SGSM2: variants seen among roughly 807,000 people sequenced by gnomAD.
SGSM2 encodes the protein RUN and TBC1 domain containing 1.
In SGSM2, 89 loss-of-function variants were observed where a neutral mutation model predicts 126.6. The ratio of observed to expected loss-of-function variants is 0.70; its 90% CI spans 0.59 to 0.84. The LOEUF is 0.84. SGSM2 is among the 40% of genes least tolerant of loss of function. The pLI, the probability that SGSM2 is intolerant of heterozygous loss-of-function variation, is 0.00. For synonymous variants in SGSM2, 614 were observed against 574.3 expected, an observed-to-expected ratio of 1.07 and a Z score of -0.99; for missense variants, 1,404 against 1,416.6, an observed-to-expected ratio of 0.99 and a Z score of 0.14.
chr17:2,374,345 G>A (rs2066024632), intron 17 of SGSM2: 1 of 152,244 alleles, frequency 6.6e-6, no homozygotes, highest in Admixed American at 6.5e-5. Context: ...GGGAGGCAGA[G>A]GTGGGAGGAT....
intron 2 of SGSM2, among the ~76,000 whole-genome samples, chr17:2,357,068 T>C (rs2429904): frequency 0.44 from 66,866 of 151,860 alleles, 15,052 homozygotes; most frequent in East Asian, 0.64. Flanking sequence ...TCTCCAGCCG[T>C]GTGTAGCATT....
At chr17:2,338,701 G>GT (rs1330316988) in intron 1 of SGSM2, among the ~76,000 whole-genome samples, 1 of 151,176 alleles carries the variant, frequency 6.6e-6, no homozygotes, top group Non-Finnish European at 1.5e-5. Context: ...GAGGCCTGGT[G>GT]TTTGGAAAGC....
intron 17 of SGSM2, 84 bp from the exon 18 acceptor site, chr17:2,375,408 C>G (rs2066084679): frequency 6.7e-7 from 1 of 1,499,858 alleles, no homozygotes; most frequent in Non-Finnish European, 8.9e-7. Context: ...GTTTTGCATT[C>G]CAGCTCCCTT....
In SGSM2 at chr17:2,373,420, C is replaced by T. The variant is rs376587643; in HGVS notation, c.2007C>T (p.Ala669=). 1.6e-5 allele frequency: 25 copies of T among 1,611,616 alleles called. No homozygotes were observed. The highest frequency in any genetic ancestry group is 2.1e-5 in the Non-Finnish European group (25 of 1,179,958). The change falls in exon 17 of 24, where the codon GCC becomes GCT. Residue 669 remains alanine, a synonymous_variant. Transcript: ENST00000268989. ...TGGTGAGGCAGCGGGAGCGGGAGGC[C>T]CACCCAGCCACACGCACCAAGTTCT... is the stretch of plus-strand genomic sequence containing the variant. The part of the protein sequence containing the change: ...EVVVRQRERE[A]HPATRTKFSS...
At chr17:2,349,995 G>A (rs2064782076) in intron 2 of SGSM2, among the ~76,000 whole-genome samples, 1 of 151,988 alleles carries the variant, frequency 6.6e-6, no homozygotes, top group African/African-American at 2.4e-5. Flanking sequence ...CACCGTGTTA[G>A]CCAGGATGGT....
chr17:2,370,771 G>A (rs775416529), intron 12 of SGSM2, among the ~76,000 whole-genome samples: 6 of 152,228 alleles, frequency 3.9e-5, no homozygotes, highest in Non-Finnish European at 7.3e-5. Flanking sequence ...ATTCCTCGGG[G>A]GCTTTGAACA....
chr17:2,371,917 C>T (rs1040731717), intron 13 of SGSM2: 4 of 514,056 alleles, frequency 7.8e-6, no homozygotes, highest in Non-Finnish European at 1.4e-5. Context: ...TGCCTCTCTC[C>T]ATTTTTCACA....
At chr17:2,343,129 C>G (rs2151476938) in intron 1 of SGSM2, among the ~76,000 whole-genome samples, 1 of 152,256 alleles carries the variant, frequency 6.6e-6, no homozygotes, top group East Asian at 1.9e-4. Context: ...CTACCCCTAA[C>G]CTTGGAGAAT....
intron 2 of SGSM2, among the ~76,000 whole-genome samples, chr17:2,349,004 T>C (rs187393225): frequency 0.033 from 5,012 of 151,742 alleles, 257 homozygotes; most frequent in African/African-American, 0.11. Flanking sequence ...CCTCAAGTGA[T>C]CTACCCGCCT....
At chr17:2,342,438 A>C (rs969280135) in intron 1 of SGSM2, among the ~76,000 whole-genome samples, 1 of 151,860 alleles carries the variant, frequency 6.6e-6, no homozygotes, top group Non-Finnish European at 1.5e-5. Context: ...ACAAACAAAC[A>C]AAAAAAGTAT....
chr17:2,340,722 C>T (rs1282353661), intron 1 of SGSM2, among the ~76,000 whole-genome samples: 15 of 151,880 alleles, frequency 9.9e-5, no homozygotes, highest in Non-Finnish European at 1.8e-4. Flanking sequence ...GTAGCTGGGA[C>T]TACAGGCGCC....
chr17:2,359,460 TCTC>T (rs1167561623), intron 2 of SGSM2, among the ~76,000 whole-genome samples: 1 of 151,816 alleles, frequency 6.6e-6, no homozygotes, highest in Non-Finnish European at 1.5e-5. Context: ...GAGAGGGATT[TCTC>T]CTTCCCCAGA....
At position 2,367,425 on chromosome 17, in the gene SGSM2, C is replaced by T. The variant is rs773626242; in HGVS notation, c.1423+20C>T. ...TGAAAGGTTCTTATCCCTCCCTCTC[C>T]CTGACCCACCTCATCCCCACCCTCC... On this transcript the variant is annotated intron_variant, in intron 12 of 23. Coordinates refer to ENST00000268989, the MANE Select transcript of SGSM2 (RefSeq NM_014853.3). The surrounding 1 kb of genome is among the most constrained non-coding windows in gnomAD (Gnocchi z 4.0). 3.7e-6 allele frequency: 6 copies of T among 1,606,436 alleles called. No homozygotes were observed. The highest frequency in any genetic ancestry group is 2.7e-5 in the African/African-American group (2 of 74,844).
At chr17:2,364,473 C>A in intron 8 of SGSM2, 123 bp from the exon 9 acceptor site, 1 of 1,077,716 alleles carries the variant, frequency 9.3e-7, no homozygotes, top group Non-Finnish European at 1.4e-6. Flanking sequence ...GCTGTGTGCA[C>A]CTCTTGGCTA....
At chr17:2,340,873 C>T (rs1372388991) in intron 1 of SGSM2, among the ~76,000 whole-genome samples, 3 of 152,194 alleles carry the variant, frequency 2.0e-5, no homozygotes, top group Non-Finnish European at 2.9e-5. Context: ...CGTGAGCCAC[C>T]ACGCCTGGCC....
At position 2,362,213 on chromosome 17, in the gene SGSM2, C is replaced by T. The variant is rs376929077; in HGVS notation, c.401C>T (p.Thr134Met). 2.9e-5 allele frequency: 47 copies of T among 1,613,674 alleles called. No homozygotes were observed. Among genetic ancestry groups the T allele is most frequent in the Non-Finnish European group, 3.6e-5 (42 of 1,179,930 alleles). The change falls in exon 4 of 24, where the codon ACG becomes ATG. Residue 134 changes from threonine to methionine, a missense_variant. Transcript: ENST00000268989. This position sits in a 1 kb window ranked among gnomAD's most constrained non-coding sequence, Gnocchi z 4.9. ...GCCTTGAAACACGTATGGGTACGCA[C>T]GGCGCTCATCGAGAAAGTTCTGGAC... ...PQALKHVWVR[T>M]ALIEKVLDKV...
intron 1 of SGSM2, among the ~76,000 whole-genome samples, chr17:2,340,839 C>T (rs1193014684): frequency 2.0e-5 from 3 of 152,200 alleles, no homozygotes; most frequent in Admixed American, 2.0e-4. Flanking sequence ...CCACCTTGGC[C>T]TCCCAAAGTG....
chr17:2,376,048 T>A, intron 18 of SGSM2, 89 bp from the exon 19 acceptor site: 1 of 1,590,648 alleles, frequency 6.3e-7, no homozygotes, highest in Admixed American at 1.7e-5. Flanking sequence ...CTGGGTTCCG[T>A]TTTGCTGCAT....
At chr17:2,369,577 G>A (rs1221953853) in intron 12 of SGSM2, among the ~76,000 whole-genome samples, 4 of 152,160 alleles carry the variant, frequency 2.6e-5, no homozygotes, top group Non-Finnish European at 4.4e-5. Context: ...GTTCGAATGT[G>A]GCTGGTTCAG....
Sources: allele counts gnomAD v4.1 joint callset (sites outside exome capture counted in the v4.1 genomes callset), GRCh38; gene constraint gnomAD v4.1.1; non-coding constraint Gnocchi (gnomAD v3.1); transcripts MANE v1.5; gene names NCBI Gene and HGNC (gene_info 2026-07-23, HGNC 2026-07-21).